Variants in EPB41 observed in about 807,000 individuals in gnomAD.
The protein encoded by EPB41 is erythrocyte membrane protein band 4.1.
In EPB41, 65 loss-of-function variants were observed where a neutral mutation model predicts 108.0. That is an observed-to-expected ratio of 0.60 (90% CI 0.49 to 0.74). The LOEUF is 0.74. EPB41 is among the 30% of genes least tolerant of loss of function. EPB41 has a pLI of 0.00. For missense variants in EPB41, 875 were observed against 1,037.0 expected (o/e 0.84, Z 2.15); for synonymous variants, 336 against 358.9 (o/e 0.94, Z 0.72).
In EPB41 at chr1:29,097,920, T is replaced by C; in HGVS notation, c.2298T>C (p.Thr766=). The change falls in exon 17 of 21, where the codon ACT becomes ACC. Residue 766 remains threonine, a synonymous_variant. Coordinates refer to ENST00000343067, the MANE Select transcript of EPB41 (RefSeq NM_001376013.1). ...PIVHTETKTI[T]YEAAQTDDNS... ...TCCACACTGAGACCAAGACCATCAC[T>C]TATGAGGCTGCCCAGGTAGGACATG... is the stretch of plus-strand genomic sequence containing the variant. 1 of 1,613,942 alleles carries C rather than the reference T, an allele frequency of 6.2e-7. No individual in the cohort carries two copies. The highest frequency in any genetic ancestry group is 8.5e-7 in the Non-Finnish European group (1 of 1,179,864).
chr1:29,106,555 G>A (rs940867179), intron 17 of EPB41, among the ~76,000 whole-genome samples: 3 of 127,954 alleles, frequency 2.3e-5, no homozygotes, highest in Non-Finnish European at 4.9e-5. Context: ...AGCCTCCCGA[G>A]TAGCTGGGAT....
chr1:29,072,077 G>GCTGT (rs1191013642), intron 16 of EPB41: 1 of 152,136 alleles, frequency 6.6e-6, no homozygotes, highest in East Asian at 1.9e-4. Context: ...AAACTGCTAC[G>GCTGT]CTGTCATTAT....
chr1:29,068,700 C>T, intron 16 of EPB41: 1 of 1,222,796 alleles, frequency 8.2e-7, no homozygotes, highest in South Asian at 4.1e-5. Flanking sequence ...CATTGCAAGG[C>T]AACTGAATTT....
intron 16 of EPB41, among the ~76,000 whole-genome samples, chr1:29,078,736 A>C (rs1013320852): frequency 6.6e-6 from 1 of 152,058 alleles, no homozygotes; most frequent in Admixed American, 6.6e-5. Flanking sequence ...CAAGAGCAAG[A>C]CCCCGTCTCT....
At chr1:28,986,077 G>A (rs1242916992) in intron 1 of EPB41, among the ~76,000 whole-genome samples, 2 of 147,206 alleles carry the variant, frequency 1.4e-5, no homozygotes, top group Non-Finnish European at 3.0e-5. Context: ...GAGAATATGC[G>A]GTGTTTGGTT....
chr1:28,952,934 G>A (rs1351233806), intron 1 of EPB41, among the ~76,000 whole-genome samples: 2 of 152,128 alleles, frequency 1.3e-5, no homozygotes, highest in Non-Finnish European at 2.9e-5. Context: ...TCACCATGTT[G>A]GCCAAGCTGG....
At chr1:28,925,000 C>T (rs538195207) in intron 1 of EPB41, among the ~76,000 whole-genome samples, 8 of 148,688 alleles carry the variant, frequency 5.4e-5, no homozygotes, top group Admixed American at 2.7e-4. Flanking sequence ...GAGTCTCGCT[C>T]TGTCACCCAG....
At chr1:28,925,885 G>T (rs1344576753) in intron 1 of EPB41, among the ~76,000 whole-genome samples, 2 of 152,124 alleles carry the variant, frequency 1.3e-5, no homozygotes, top group African/African-American at 4.8e-5. Context: ...CCTTCATTTA[G>T]TACATGTTAA....
intron 16 of EPB41, among the ~76,000 whole-genome samples, chr1:29,081,021 G>A (rs998887430): frequency 2.0e-5 from 3 of 152,190 alleles, no homozygotes; most frequent in Admixed American, 6.5e-5. Flanking sequence ...GTTTTCAGCC[G>A]ATCAGCAAGA....
At chr1:28,888,748 C>T (rs2147789249) in intron 1 of EPB41, among the ~76,000 whole-genome samples, 1 of 152,328 alleles carries the variant, frequency 6.6e-6, no homozygotes, top group Non-Finnish European at 1.5e-5. Flanking sequence ...CTGCCTCAGC[C>T]TCCCGAGTAG....
chr1:28,923,065 A>C (rs531508865), intron 1 of EPB41, among the ~76,000 whole-genome samples: 78 of 149,426 alleles, frequency 5.2e-4, no homozygotes, highest in Non-Finnish European at 7.6e-4. Context: ...AGGTATGTGT[A>C]ATTAGCCTTA....
At chr1:28,891,204 A>G (rs1474185846) in intron 1 of EPB41, among the ~76,000 whole-genome samples, 1 of 152,206 alleles carries the variant, frequency 6.6e-6, no homozygotes, top group Non-Finnish European at 1.5e-5. Context: ...ATGAGTGTAG[A>G]CACTCCTTGA....
chr1:28,921,577 A>G (rs1020328487), intron 1 of EPB41, among the ~76,000 whole-genome samples: 2 of 151,792 alleles, frequency 1.3e-5, no homozygotes, highest in Admixed American at 6.6e-5. Flanking sequence ...TTTTTTTGCT[A>G]CCACCCACTT....
Position 28,887,297 on chromosome 1 carries a change from C to A in EPB41, c.-8+87C>A. The A allele has an allele frequency of 8.1e-7, 1 of 1,230,638 alleles. No homozygotes were observed. Among genetic ancestry groups the A allele is most frequent in the African/African-American group, 1.6e-5 (1 of 63,550 alleles). The allele number at this position is 1,230,638 out of a possible 1,614,324, so 76.2% of individuals were successfully genotyped here. On this transcript the variant is annotated intron_variant, in intron 1 of 16. Coordinates refer to the EPB41 transcript ENST00000347529. The surrounding 1 kb of genome is among the most constrained non-coding windows in gnomAD (Gnocchi z 4.9). ...AAGAACCTACCCCCAAGGGCTCGGA[C>A]CGTCCCGGGAGAGGCGAGACCAGGG...
intron 1 of EPB41, among the ~76,000 whole-genome samples, chr1:28,924,345 A>G (rs971399051): frequency 2.6e-4 from 39 of 152,246 alleles, no homozygotes; most frequent in African/African-American, 8.9e-4. Context: ...CCTTGCCAAC[A>G]TGGCGAAACC....
intron 1 of EPB41, among the ~76,000 whole-genome samples, chr1:28,933,953 G>A (rs1389217327): frequency 6.6e-6 from 1 of 151,990 alleles, no homozygotes; most frequent in Non-Finnish European, 1.5e-5. Flanking sequence ...ATACATTATT[G>A]TTAACTAAAG....
intron 1 of EPB41, among the ~76,000 whole-genome samples, chr1:28,936,403 C>T (rs1219474132): frequency 8.6e-6 from 1 of 116,246 alleles, no homozygotes; most frequent in African/African-American, 4.4e-5. Flanking sequence ...TAACTTGTAT[C>T]CTAAAAAAAA....
At chr1:28,972,375 T>C (rs988641465) in intron 1 of EPB41, among the ~76,000 whole-genome samples, 6 of 152,234 alleles carry the variant, frequency 3.9e-5, no homozygotes, top group Non-Finnish European at 8.8e-5. Flanking sequence ...ACTTTTAGAC[T>C]ATATCCAGAC....
At chr1:29,073,511 AC>A (rs1197148471) in intron 16 of EPB41, among the ~76,000 whole-genome samples, 2 of 152,134 alleles carry the variant, frequency 1.3e-5, no homozygotes, top group African/African-American at 2.4e-5. Context: ...ACATACATTA[AC>A]TTCTTTTTAT....
Sources: allele counts gnomAD v4.1 joint callset (sites outside exome capture counted in the v4.1 genomes callset), GRCh38; gene constraint gnomAD v4.1.1; non-coding constraint Gnocchi (gnomAD v3.1); transcripts MANE v1.5; gene names NCBI Gene and HGNC (gene_info 2026-07-23, HGNC 2026-07-21).